Variants in OLFML2B observed in about 807,000 individuals in gnomAD.
OLFML2B encodes the protein olfactomedin like 2B.
In OLFML2B, 57 loss-of-function variants were observed where a neutral mutation model predicts 74.9. The ratio of observed to expected loss-of-function variants is 0.76; its 90% CI spans 0.61 to 0.95. The LOEUF (loss-of-function observed/expected upper bound fraction) is 0.95. Ranked by LOEUF, OLFML2B falls within the 40% of genes least tolerant of loss-of-function variation. The pLI is 0.00. For synonymous variants in OLFML2B, 388 were observed against 405.8 expected (o/e 0.96, Z 0.53); for missense variants, 986 against 970.6 (o/e 1.02, Z -0.21).
chr1:161,999,755 A>G (rs983584005), intron 5 of OLFML2B, among the ~76,000 whole-genome samples: 21 of 152,208 alleles, frequency 1.4e-4, no homozygotes, highest in African/African-American at 5.1e-4. Context: ...CCCCGGAGGG[A>G]GGAGCAAGTA....
Position 162,020,046 on chromosome 1 carries a change from G to A in OLFML2B, c.311C>T (p.Thr104Ile), listed in dbSNP as rs549970665. 1.1e-5 allele frequency: 18 copies of A among 1,614,026 alleles called. No individual in the cohort carries two copies. Among genetic ancestry groups the A allele is most frequent in the African/African-American group, 8.0e-5 (6 of 74,912 alleles). ...AGASRKEDFY[T>I]VETITSGSSC... ...CGAGCCTGAGGTGATGGTTTCCACGGTATAGAAGTCTTCCTTCCTGGAGGC... is the reference window on the plus strand; with the variant it reads ...CGAGCCTGAGGTGATGGTTTCCACGATATAGAAGTCTTCCTTCCTGGAGGC... Residue 104 changes from threonine (T) to isoleucine (I), a missense_variant, in exon 2 of 8, where the codon ACC becomes ATC. By Grantham distance (89) the Thr-to-Ile change is moderately conservative. Transcript: ENST00000294794.
intron 4 of OLFML2B, among the ~76,000 whole-genome samples, chr1:162,004,865 C>T (rs955063630): frequency 3.3e-5 from 5 of 152,228 alleles, no homozygotes; most frequent in African/African-American, 1.2e-4. Context: ...CTCAATGGCC[C>T]AACTGGAACC....
chr1:161,983,995 C>A lies in OLFML2B; in HGVS notation c.1933G>T (p.Val645Phe), dbSNP rs557194489. 1 of 1,614,232 alleles carries A rather than the reference C, an allele frequency of 6.2e-7. No individual in the cohort carries two copies. The highest frequency in any genetic ancestry group is 1.1e-5 in the South Asian group (1 of 91,086). Residue 645 changes from valine (V) to phenylalanine (F), a missense_variant, in exon 8 of 8, where the codon GTC (valine) becomes TTC (phenylalanine). By Grantham distance (50) the Val-to-Phe change is conservative. Coordinates refer to ENST00000294794, the MANE Select transcript of OLFML2B (RefSeq NM_015441.3). ...ALDDEGFSQEVIVLSKLNAAD... is the reference protein window; with the variant it reads ...ALDDEGFSQEFIVLSKLNAAD... The stretch of plus-strand genomic sequence containing the variant: ...GCATTGAGCTTGCTCAGGACAATGA[C>A]CTCCTGGCTGAAGCCCTCATCGTCC...
At chr1:162,006,260 G>T in intron 4 of OLFML2B, 37 bp downstream of exon 4, 8 of 1,510,162 alleles carry the variant, frequency 5.3e-6, no homozygotes, top group Non-Finnish European at 7.1e-6. Flanking sequence ...CACTTCCAGG[G>T]CTTGTGATCA....
intron 3 of OLFML2B, among the ~76,000 whole-genome samples, chr1:162,011,680 C>T (rs1690391055): frequency 6.6e-6 from 1 of 152,216 alleles, no homozygotes; most frequent in African/African-American, 2.4e-5. Flanking sequence ...GGTGCTGGAC[C>T]AGGGCCTGGG....
At chr1:162,006,948 A>T (rs1690253004) in intron 3 of OLFML2B, among the ~76,000 whole-genome samples, 4 of 152,108 alleles carry the variant, frequency 2.6e-5, no homozygotes, top group Admixed American at 6.5e-5. Context: ...AACAACAACA[A>T]CAAAAAACTA....
chr1:161,989,405 G>C (rs144339805), intron 6 of OLFML2B, among the ~76,000 whole-genome samples: 2 of 152,304 alleles, frequency 1.3e-5, no homozygotes, highest in African/African-American at 4.8e-5. Flanking sequence ...GTGGTGAACT[G>C]GAAGAGCTGA....
intron 6 of OLFML2B, among the ~76,000 whole-genome samples, chr1:161,985,765 TG>T (rs1244129464): frequency 1.3e-5 from 2 of 152,114 alleles, no homozygotes; most frequent in Non-Finnish European, 2.9e-5. Context: ...GCTGGGTAAC[TG>T]GGGGGCAAGA....
chr1:162,018,670 G>A (rs1172779345), intron 2 of OLFML2B, among the ~76,000 whole-genome samples: 2 of 152,194 alleles, frequency 1.3e-5, no homozygotes, highest in African/African-American at 4.8e-5. Flanking sequence ...GGCACTGAGG[G>A]CATGCAGACT....
intron 6 of OLFML2B, among the ~76,000 whole-genome samples, chr1:161,988,818 A>G (rs372329200): frequency 1.3e-5 from 2 of 152,126 alleles, no homozygotes; most frequent in African/African-American, 4.8e-5. Flanking sequence ...ACTACCTACA[A>G]GGCACTTTCT....
chr1:162,006,746 A>G (rs1214689259), intron 3 of OLFML2B, among the ~76,000 whole-genome samples: 1 of 152,150 alleles, frequency 6.6e-6, no homozygotes, highest in African/African-American at 2.4e-5. Flanking sequence ...AACATTGACA[A>G]GTCTCTGGGC....
chr1:162,008,953 T>G (rs1379539235), intron 3 of OLFML2B, among the ~76,000 whole-genome samples: 1 of 152,150 alleles, frequency 6.6e-6, no homozygotes, highest in Non-Finnish European at 1.5e-5. Context: ...GAGCAACACC[T>G]GTGGATGCCC....
intron 4 of OLFML2B, among the ~76,000 whole-genome samples, chr1:162,005,536 G>T (rs950969762): frequency 3.3e-5 from 5 of 152,148 alleles, no homozygotes; most frequent in African/African-American, 1.2e-4. Flanking sequence ...AAATGAGGAG[G>T]GATGGAATAT....
chr1:162,011,622 T>A (rs574609856), intron 3 of OLFML2B, among the ~76,000 whole-genome samples: 1 of 152,192 alleles, frequency 6.6e-6, no homozygotes, highest in South Asian at 2.1e-4. Flanking sequence ...AGCTGCCCCA[T>A]TGAACATTCA....
intron 6 of OLFML2B, among the ~76,000 whole-genome samples, chr1:161,986,246 CA>C (rs1290562195): frequency 6.6e-6 from 1 of 152,200 alleles, no homozygotes; most frequent in African/African-American, 2.4e-5. Context: ...ACAAAAGTAA[CA>C]AAAGACCCTA....
chr1:162,013,515 TA>T (rs761103586), intron 3 of OLFML2B, among the ~76,000 whole-genome samples: 38 of 152,322 alleles, frequency 2.5e-4, no homozygotes, highest in Non-Finnish European at 4.7e-4. Flanking sequence ...GCAGAACTTT[TA>T]TACCCTGCTG....
chr1:161,993,837 C>A (rs181525556), intron 6 of OLFML2B, among the ~76,000 whole-genome samples: 208 of 152,304 alleles, frequency 1.4e-3, no homozygotes, highest in African/African-American at 4.5e-3. Flanking sequence ...AGCATGCATC[C>A]GTTGCCAGCC....
At chr1:161,988,213 C>T (rs1463450152) in intron 6 of OLFML2B, among the ~76,000 whole-genome samples, 1 of 152,230 alleles carries the variant, frequency 6.6e-6, no homozygotes, top group Non-Finnish European at 1.5e-5. Flanking sequence ...GTTTAACCAA[C>T]AGTCCTGGGA....
intron 6 of OLFML2B, among the ~76,000 whole-genome samples, chr1:161,993,963 G>A (rs574367935): frequency 5.1e-4 from 78 of 152,330 alleles, no homozygotes; most frequent in Admixed American, 5.0e-3. Context: ...AGTGGTAGAT[G>A]AATTATTAAT....
Sources: gnomAD v4.1 joint callset for allele counts (sites outside exome capture counted in the v4.1 genomes callset) on GRCh38, gnomAD v4.1.1 for gene constraint, MANE v1.5 for transcripts, NCBI Gene and HGNC (gene_info 2026-07-23, HGNC 2026-07-21) for gene names.